Variants in DENND1A observed in about 807,000 individuals in gnomAD.
DENND1A encodes DENN domain containing 1A.
Under a neutral mutation model 113.7 loss-of-function variants are expected in DENND1A, and 51 were observed. The ratio of observed to expected loss-of-function variants is 0.45; its 90% CI spans 0.36 to 0.57. The LOEUF is 0.57. DENND1A is among the 20% of genes least tolerant of loss of function. The pLI, the probability that DENND1A is intolerant of heterozygous loss-of-function variation, is 0.00. For missense variants in DENND1A, 1,258 were observed against 1,395.9 expected (o/e 0.90, Z 1.57); for synonymous variants, 565 against 570.8 (o/e 0.99, Z 0.14).
At position 123,445,231 on chromosome 9, in the gene DENND1A, G is replaced by A. The variant is rs1588563759; in HGVS notation, c.1357-4740C>T. Among the ~76,000 whole-genome samples, 3 of 152,276 alleles carry A rather than the reference G, an allele frequency of 2.0e-5. No individual in the cohort carries two copies. The South Asian group carries it at 6.2e-4, about 32-fold the overall frequency. On this transcript the variant is annotated intron_variant, in intron 18 of 23. Transcript: ENST00000394215. ...AGACTAGAGGACAAAGAGGGTTCTG[G>A]GTGGCCTTGGGTAGGGGTTGGGGTG...
intron 3 of DENND1A, among the ~76,000 whole-genome samples, chr9:123,772,884 A>G (rs1344133784): frequency 6.6e-6 from 1 of 152,204 alleles, no homozygotes; most frequent in Non-Finnish European, 1.5e-5. Context: ...CACTGCTGAC[A>G]TTATAAACCC....
intron 4 of DENND1A, among the ~76,000 whole-genome samples, chr9:123,763,919 T>C (rs1472514426): frequency 6.6e-6 from 1 of 151,752 alleles, no homozygotes; most frequent in Non-Finnish European, 1.5e-5. Context: ...AGATAACTCG[T>C]TCAAAAAATA....
intron 13 of DENND1A, among the ~76,000 whole-genome samples, chr9:123,480,248 G>A (rs2050226289): frequency 6.6e-6 from 1 of 151,978 alleles, no homozygotes; most frequent in South Asian, 2.1e-4. Context: ...CCTGTGTCTC[G>A]ACACTCCCGA....
chr9:123,556,821 G>A (rs143132664), intron 13 of DENND1A, among the ~76,000 whole-genome samples: 265 of 152,360 alleles, frequency 1.7e-3, no homozygotes, highest in African/African-American at 6.2e-3. Context: ...AGAGTAGGCC[G>A]AGGAGAGAAA....
At chr9:123,558,140 G>T (rs2057533119) in intron 12 of DENND1A, among the ~76,000 whole-genome samples, 1 of 152,140 alleles carries the variant, frequency 6.6e-6, no homozygotes, top group African/African-American at 2.4e-5. Context: ...TTACAATTTA[G>T]TTATTTTAAC....
chr9:123,764,775 G>A lies in DENND1A; in HGVS notation c.182+4739C>T, dbSNP rs934237499. The stretch of plus-strand genomic sequence containing the variant: ...AATCCAATTCCCTCATTTTATCCAT[G>A]AAAAAATGAAGAACCTCAGGGGAGA... On this transcript the variant is annotated intron_variant, in intron 4 of 23. Coordinates refer to ENST00000394215, the MANE Select transcript of DENND1A (RefSeq NM_001352964.2). This position sits in a 1 kb window ranked among gnomAD's most constrained non-coding sequence, Gnocchi z 4.1. Among the ~76,000 whole-genome samples, 1 of 152,164 alleles carries A rather than the reference G, an allele frequency of 6.6e-6. No individual in the cohort carries two copies. Among genetic ancestry groups the A allele is most frequent in the Non-Finnish European group, 1.5e-5 (1 of 68,036 alleles).
At chr9:123,775,228 G>A (rs998532979) in intron 3 of DENND1A, among the ~76,000 whole-genome samples, 3 of 152,132 alleles carry the variant, frequency 2.0e-5, no homozygotes, top group Non-Finnish European at 4.4e-5. Flanking sequence ...CTTCCAAGAT[G>A]AACAAATGAT....
At chr9:123,657,636 C>T (rs2063026437) in intron 8 of DENND1A, among the ~76,000 whole-genome samples, 1 of 152,162 alleles carries the variant, frequency 6.6e-6, no homozygotes, top group Admixed American at 6.5e-5. Context: ...TAAAGACCTA[C>T]TGTCTTGTGT....
chr9:123,473,882 C>T (rs1169172134), intron 13 of DENND1A, among the ~76,000 whole-genome samples: 2 of 151,668 alleles, frequency 1.3e-5, no homozygotes, highest in Non-Finnish European at 2.9e-5. Context: ...ACGCAGGCTT[C>T]GGTGGCTGAG....
intron 1 of DENND1A, among the ~76,000 whole-genome samples, chr9:123,897,739 G>A (rs1318515955): frequency 1.3e-5 from 2 of 152,122 alleles, no homozygotes; most frequent in African/African-American, 4.8e-5. Context: ...GAGGCCAAGA[G>A]AGAGGATCGC....
intron 2 of DENND1A, among the ~76,000 whole-genome samples, chr9:123,870,000 T>A (rs1846298598): frequency 2.1e-5 from 2 of 97,416 alleles, no homozygotes; most frequent in Non-Finnish European, 3.6e-5. Flanking sequence ...CAAGACCCTG[T>A]CTCAAAAAAA....
At chr9:123,680,236 C>A (rs947975668) in intron 5 of DENND1A, among the ~76,000 whole-genome samples, 6 of 152,236 alleles carry the variant, frequency 3.9e-5, no homozygotes, top group Non-Finnish European at 7.3e-5. Context: ...TCCCTTCTCA[C>A]CCACTGTGGC....
intron 2 of DENND1A, among the ~76,000 whole-genome samples, chr9:123,809,711 C>T (rs1006332480): frequency 1.3e-5 from 2 of 152,196 alleles, no homozygotes; most frequent in Non-Finnish European, 2.9e-5. Flanking sequence ...TGCTCTGTCA[C>T]CCAGGCTGTA....
intron 1 of DENND1A, among the ~76,000 whole-genome samples, chr9:123,897,761 A>G (rs1850999517): frequency 6.6e-6 from 1 of 152,090 alleles, no homozygotes; most frequent in Non-Finnish European, 1.5e-5. Flanking sequence ...TGAGGCCAGG[A>G]GTTCAAGACC....
intron 5 of DENND1A, among the ~76,000 whole-genome samples, chr9:123,718,521 T>C (rs1479731455): frequency 6.6e-6 from 1 of 152,230 alleles, no homozygotes; most frequent in Non-Finnish European, 1.5e-5. Context: ...TGGCTAAAGT[T>C]CTGACATCCT....
intron 2 of DENND1A, among the ~76,000 whole-genome samples, chr9:123,861,811 C>G (rs1845095436): frequency 6.6e-6 from 1 of 152,130 alleles, no homozygotes; most frequent in Admixed American, 6.6e-5. Context: ...ACTTTTTCTA[C>G]TCTGAGTTTC....
chr9:123,867,588 G>A (rs901837892), intron 2 of DENND1A, among the ~76,000 whole-genome samples: 2 of 152,178 alleles, frequency 1.3e-5, no homozygotes, highest in Non-Finnish European at 2.9e-5. Context: ...GATGGCTGCA[G>A]TAGACATCTG....
chr9:123,470,364 G>GCGCCGGGGTTGCCTCACTCA (rs2049303396), intron 13 of DENND1A, among the ~76,000 whole-genome samples: 1 of 151,182 alleles, frequency 6.6e-6, no homozygotes, highest in Non-Finnish European at 1.5e-5. Flanking sequence ...CACGTGGCCA[G>GCGCCGGGGTTGCCTCACTCA]CGCCAGGGGT....
At chr9:123,444,083 A>C (rs1447905994) in intron 18 of DENND1A, among the ~76,000 whole-genome samples, 2 of 152,230 alleles carry the variant, frequency 1.3e-5, no homozygotes, top group Non-Finnish European at 2.9e-5. Context: ...TGGCCTAAGC[A>C]CTAACGTAGC....
Sources: allele counts gnomAD v4.1 joint callset (sites outside exome capture counted in the v4.1 genomes callset), GRCh38; gene constraint gnomAD v4.1.1; non-coding constraint Gnocchi (gnomAD v3.1); transcripts MANE v1.5; gene names NCBI Gene and HGNC (gene_info 2026-07-23, HGNC 2026-07-21).